Variants in TANC2 observed in about 807,000 individuals in gnomAD.
The protein encoded by TANC2 is protein TANC2.
TANC2 carries 26 observed loss-of-function variants against 210.5 expected under a neutral mutation model. That is an observed-to-expected ratio of 0.12 (90% CI 0.09 to 0.17). The LOEUF is 0.17. TANC2 is among the 10% of genes least tolerant of loss of function. The pLI is 1.00. For missense variants in TANC2, 2,129 were observed against 2,608.9 expected (o/e 0.82, Z 4.01); for synonymous variants, 931 against 967.1 (o/e 0.96, Z 0.69).
chr17:63,157,838 C>T (rs1274236870), intron 5 of TANC2, among the ~76,000 whole-genome samples: 1 of 152,138 alleles, frequency 6.6e-6, no homozygotes. Context: ...CAGCCTCCAC[C>T]TCCAGGGCTC....
At chr17:63,246,341 A>G (rs1598696765) in intron 8 of TANC2, among the ~76,000 whole-genome samples, 1 of 151,586 alleles carries the variant, frequency 6.6e-6, no homozygotes, top group African/African-American at 2.4e-5. Flanking sequence ...TTTATATATT[A>G]TAAAATTCAC....
intron 8 of TANC2, among the ~76,000 whole-genome samples, chr17:63,264,063 G>T (rs2043449645): frequency 6.6e-6 from 1 of 152,158 alleles, no homozygotes; most frequent in African/African-American, 2.4e-5. Flanking sequence ...CTGGAGACTG[G>T]CTCCAGATCT....
At chr17:63,284,448 C>T (rs904699855) in intron 9 of TANC2, among the ~76,000 whole-genome samples, 3 of 151,712 alleles carry the variant, frequency 2.0e-5, no homozygotes, top group South Asian at 2.1e-4. Flanking sequence ...AGTATTACCT[C>T]CTCTTTACTT....
At chr17:63,312,684 G>C (rs888372259) in intron 9 of TANC2, among the ~76,000 whole-genome samples, 5 of 152,082 alleles carry the variant, frequency 3.3e-5, no homozygotes, top group African/African-American at 1.2e-4. Flanking sequence ...ACTATACCCA[G>C]ATAACAAATC....
intron 14 of TANC2, among the ~76,000 whole-genome samples, chr17:63,369,539 A>T (rs2047202985): frequency 2.0e-5 from 3 of 151,252 alleles, no homozygotes; most frequent in Admixed American, 2.0e-4. Context: ...TGTGGAAAGG[A>T]ATAATAATTT....
At chr17:63,010,954 A>G (rs2033841540) in intron 2 of TANC2, among the ~76,000 whole-genome samples, 1 of 152,158 alleles carries the variant, frequency 6.6e-6, no homozygotes, top group Admixed American at 6.5e-5. Flanking sequence ...TGGAGGCTCC[A>G]TTATGCACAT....
intron 8 of TANC2, among the ~76,000 whole-genome samples, chr17:63,243,215 A>G (rs1378385351): frequency 6.6e-6 from 1 of 152,228 alleles, no homozygotes; most frequent in Non-Finnish European, 1.5e-5. Context: ...ACACAAGGAA[A>G]TGCTGCAATT....
chr17:63,241,709 A>C (rs1014906648), intron 8 of TANC2, among the ~76,000 whole-genome samples: 1 of 152,192 alleles, frequency 6.6e-6, no homozygotes, highest in Non-Finnish European at 1.5e-5. Flanking sequence ...CATCTCGGCT[A>C]TACAGGTCAT....
intron 4 of TANC2, among the ~76,000 whole-genome samples, chr17:63,138,868 C>T (rs979814695): frequency 2.0e-5 from 3 of 152,198 alleles, no homozygotes; most frequent in East Asian, 1.9e-4. Flanking sequence ...GTCTAAGTTA[C>T]GAAGCTGCAT....
At chr17:63,361,828 A>G (rs2046966353) in intron 14 of TANC2, among the ~76,000 whole-genome samples, 1 of 152,180 alleles carries the variant, frequency 6.6e-6, no homozygotes. Flanking sequence ...AGCTTCATTG[A>G]GCAACAGAAC....
At chr17:63,073,949 G>T in exon 3 of TANC2, 1 of 1,583,364 alleles carries the variant, frequency 6.3e-7, no homozygotes. Flanking sequence ...GCAGATGGAG[G>T]GAGCGAGGAA....
In TANC2 at chr17:63,335,529, C is replaced by T. The variant is rs181337921; in HGVS notation, c.1576-4572C>T. Among the ~76,000 whole-genome samples the T allele has an allele frequency of 2.4e-4, 36 of 151,690 alleles. No individual in the cohort carries two copies. The East Asian group carries it at 6.4e-3, about 27-fold the overall frequency. Reference sequence around the variant, plus strand: ...TCAGGAGGTTGAGACAGGAGAATCACGTGAACCTGGGAGGCGGAGGTTGCA... The same window carrying T: ...TCAGGAGGTTGAGACAGGAGAATCATGTGAACCTGGGAGGCGGAGGTTGCA... On this transcript the variant is annotated intron_variant, in intron 11 of 27. Transcript: ENST00000689528.
intron 1 of TANC2, among the ~76,000 whole-genome samples, chr17:63,001,680 G>C (rs763367166): frequency 6.6e-6 from 1 of 151,840 alleles, no homozygotes; most frequent in Non-Finnish European, 1.5e-5. Context: ...AAGTAGCTGG[G>C]ACTACAGGTG....
intron 8 of TANC2, among the ~76,000 whole-genome samples, chr17:63,260,316 T>G (rs903897652): frequency 6.6e-6 from 1 of 152,236 alleles, no homozygotes; most frequent in Non-Finnish European, 1.5e-5. Context: ...AGTAAGTATT[T>G]TAGGCTTTGC....
chr17:63,417,730 A>G lies in TANC2; in HGVS notation c.4168-577A>G, dbSNP rs1274549507. 2.0e-5 allele frequency among the ~76,000 whole-genome samples: 3 copies of G among 152,158 alleles called. No homozygotes were observed. In the East Asian group the frequency reaches 5.8e-4, roughly 29 times the overall value. On this transcript the variant is annotated intron_variant, in intron 26 of 27. Transcript: ENST00000689528. Reference sequence around the variant, plus strand: ...GGGGTAGGTATGGATGAGAAAATACACTATACACTTGGGGGTTATGAAGCT... The same window carrying G: ...GGGGTAGGTATGGATGAGAAAATACGCTATACACTTGGGGGTTATGAAGCT...
At chr17:63,233,144 G>A (rs1422643846) in intron 7 of TANC2, among the ~76,000 whole-genome samples, 1 of 152,212 alleles carries the variant, frequency 6.6e-6, no homozygotes, top group Admixed American at 6.5e-5. Context: ...TGCAGTGATG[G>A]CTGCTGCCCC....
intron 1 of TANC2, among the ~76,000 whole-genome samples, chr17:62,969,927 T>C (rs2031597277): frequency 6.6e-6 from 1 of 152,218 alleles, no homozygotes; most frequent in African/African-American, 2.4e-5. Context: ...TGTCAACAAA[T>C]GTTTGTTCAG....
chr17:63,034,039 G>A (rs990548103), intron 2 of TANC2, among the ~76,000 whole-genome samples: 2 of 152,110 alleles, frequency 1.3e-5, no homozygotes, highest in African/African-American at 4.8e-5. Context: ...CTTCACCTGG[G>A]AAACCAATGA....
chr17:63,361,173 G>T (rs1284071537), intron 14 of TANC2, among the ~76,000 whole-genome samples: 1 of 152,188 alleles, frequency 6.6e-6, no homozygotes, highest in Non-Finnish European at 1.5e-5. Flanking sequence ...GACTGGGATT[G>T]CTGGATCGTA....
Sources: allele counts gnomAD v4.1 joint callset (sites outside exome capture counted in the v4.1 genomes callset), GRCh38; gene constraint gnomAD v4.1.1; transcripts MANE v1.5; gene names NCBI Gene and HGNC (gene_info 2026-07-23, HGNC 2026-07-21).